Variants in HAGH observed in about 807,000 individuals in gnomAD.
HAGH encodes hydroxyacylglutathione hydrolase, mitochondrial.
HAGH carries 29 observed loss-of-function variants against 35.1 expected under a neutral mutation model. The observed-to-expected ratio is 0.83, with a 90% CI of 0.62 to 1.13. HAGH has a LOEUF of 1.13. Among genes scored for constraint, HAGH ranks in the 50% most tolerant of loss-of-function variants. The pLI is 0.00. For synonymous variants in HAGH, 225 were observed against 176.1 expected (o/e 1.28, Z -2.20); for missense variants, 478 against 419.6 (o/e 1.14, Z -1.22).
At chr16:1,816,412 G>C (rs1479251785) in intron 7 of HAGH, among the ~76,000 whole-genome samples, 2 of 152,098 alleles carry the variant, frequency 1.3e-5, no homozygotes, top group African/African-American at 4.8e-5. Context: ...CCACGCCTGA[G>C]ACCACCCAGG....
chr16:1,826,163 C>T (rs1258657347), intron 1 of HAGH, among the ~76,000 whole-genome samples: 1 of 152,140 alleles, frequency 6.6e-6, no homozygotes, highest in Admixed American at 6.5e-5. Flanking sequence ...CGCCTCCGCC[C>T]GCCCAGTGCC....
At position 1,822,681 on chromosome 16, in the gene HAGH, C is replaced by T. The variant is rs151310182; in HGVS notation, c.249+184G>A. 3.2e-4 allele frequency among the ~76,000 whole-genome samples: 48 copies of T among 152,344 alleles called. No homozygotes were observed. The East Asian group carries it at 8.1e-3, about 26-fold the overall frequency. On this transcript the variant is annotated intron_variant, in intron 2 of 8. Coordinates refer to ENST00000397356, the MANE Select transcript of HAGH (RefSeq NM_005326.6). ...AAGTGCCCAGGATTGTACTGCACAG[C>T]GCTTTCTGTGTCACTGCCTCTCGCC...
intron 7 of HAGH, chr16:1,810,692 G>A (rs1897609124): frequency 6.6e-6 from 1 of 152,494 alleles, no homozygotes; most frequent in Admixed American, 6.5e-5. Context: ...AGCCGCACCA[G>A]GAGGGCCTCA....
At chr16:1,827,085 G>C (rs746561454), upstream of HAGH, 56 of 1,166,074 alleles carry the variant, frequency 4.8e-5, no homozygotes, top group Non-Finnish European at 6.4e-5. Flanking sequence ...TGGAGGCCGA[G>C]CGCCACGCCG....
chr16:1,823,744 TAA>T (rs71145496), intron 1 of HAGH, among the ~76,000 whole-genome samples: 5,368 of 55,592 alleles, frequency 0.097, 192 homozygotes, highest in Non-Finnish European at 0.11. Context: ...ACCTGTTCCT[TAA>T]AAAAAAAAAA....
intron 2 of HAGH, 65 bp from the exon 3 acceptor site, chr16:1,822,429 T>C (rs1898196293): frequency 8.1e-7 from 1 of 1,227,656 alleles, no homozygotes; most frequent in Non-Finnish European, 1.2e-6. Flanking sequence ...CTGGCCTATA[T>C]GGTAGGGTGC....
chr16:1,826,100 C>G (rs1294595741), intron 1 of HAGH, among the ~76,000 whole-genome samples: 1 of 152,232 alleles, frequency 6.6e-6, no homozygotes, highest in Non-Finnish European at 1.5e-5. Context: ...CCCTGCAGAG[C>G]CTTGACAGCT....
At chr16:1,812,727 C>A (rs1897714471) in intron 7 of HAGH, among the ~76,000 whole-genome samples, 2 of 152,156 alleles carry the variant, frequency 1.3e-5, no homozygotes, top group African/African-American at 2.4e-5. Flanking sequence ...ATAAAAGAAT[C>A]TATTGGACTT....
intron 3 of HAGH, among the ~76,000 whole-genome samples, chr16:1,821,069 G>A (rs1898132703): frequency 1.3e-5 from 2 of 152,188 alleles, no homozygotes; most frequent in African/African-American, 4.8e-5. Flanking sequence ...GGGTCCCCAG[G>A]AGGAGGCATG....
intron 3 of HAGH, among the ~76,000 whole-genome samples, chr16:1,820,653 C>T (rs1037972836): frequency 1.2e-4 from 19 of 152,154 alleles, no homozygotes; most frequent in African/African-American, 4.6e-4. Context: ...CAGAAAGGGG[C>T]GGTTGAAGGG....
At chr16:1,827,063 A>G (rs1054836573), upstream of HAGH, 1 of 969,468 alleles carries the variant, frequency 1.0e-6, no homozygotes, top group East Asian at 2.7e-5. Flanking sequence ...TTGGCACCGC[A>G]CAGTGGATCC....
At chr16:1,816,166 T>C (rs1897881604) in intron 7 of HAGH, among the ~76,000 whole-genome samples, 1 of 140,776 alleles carries the variant, frequency 7.1e-6, no homozygotes. Flanking sequence ...ATTACGCCAC[T>C]GTACTCCAGC....
In HAGH at chr16:1,820,016, T is replaced by TA; in HGVS notation, c.315-3dup. The TA allele has an allele frequency of 6.2e-7, 1 of 1,601,956 alleles. No homozygotes were observed. The highest frequency in any genetic ancestry group is 1.1e-5 in the South Asian group (1 of 90,594). ...TTCTCATTCCCGCCAGCATGGTCCC[T>TA]AGAAGTCAAACAGGAGACCTGGGCT... is the stretch of plus-strand genomic sequence containing the variant. On this transcript the variant is annotated splice_region_variant and splice_polypyrimidine_tract_variant and intron_variant, in intron 3 of 8. Coordinates refer to ENST00000397356, the MANE Select transcript of HAGH (RefSeq NM_005326.6).
chr16:1,815,293 CT>C (rs1243871342), intron 7 of HAGH, among the ~76,000 whole-genome samples: 7 of 152,190 alleles, frequency 4.6e-5, no homozygotes, highest in Non-Finnish European at 8.8e-5. Flanking sequence ...CGGTTCACAC[CT>C]TTAACCACAC....
intron 1 of HAGH, among the ~76,000 whole-genome samples, chr16:1,823,459 G>A (rs1269664133): frequency 6.6e-6 from 1 of 151,736 alleles, no homozygotes; most frequent in East Asian, 1.9e-4. Flanking sequence ...TAGTAGAGAC[G>A]GGTTTCATGG....
At chr16:1,820,602 G>A (rs528870607) in intron 3 of HAGH, among the ~76,000 whole-genome samples, 3 of 152,272 alleles carry the variant, frequency 2.0e-5, no homozygotes, top group Admixed American at 6.5e-5. Flanking sequence ...TGCCTCCTAC[G>A]CGCCCAGGTT....
chr16:1,819,531 C>T lies in HAGH; in HGVS notation c.433-308G>A, dbSNP rs575162391. Among the ~76,000 whole-genome samples, 57 of 152,230 alleles carry T rather than the reference C, an allele frequency of 3.7e-4. 1 individual carries two copies. The highest frequency in any genetic ancestry group is 6.5e-4 in the Non-Finnish European group (44 of 68,044). On this transcript the variant is annotated intron_variant, in intron 4 of 8. Transcript: ENST00000397356. ...GACGGCTTTCCTTCCCACACATGGCCTTTTGTTTTCCTGTCCCCATCTGCC... is the reference window on the plus strand; with the variant it reads ...GACGGCTTTCCTTCCCACACATGGCTTTTTGTTTTCCTGTCCCCATCTGCC...
intron 7 of HAGH, among the ~76,000 whole-genome samples, chr16:1,814,792 G>A (rs1567254509): frequency 6.6e-6 from 1 of 151,972 alleles, no homozygotes; most frequent in Non-Finnish European, 1.5e-5. Flanking sequence ...CAGCTACTTG[G>A]GAGGCTGAGG....
intron 1 of HAGH, chr16:1,826,486 C>G: frequency 4.5e-6 from 4 of 898,366 alleles, no homozygotes; most frequent in Non-Finnish European, 5.3e-6. Flanking sequence ...CCGCGGCGGA[C>G]GCAGGCCTGG....
Sources: allele counts gnomAD v4.1 joint callset (sites outside exome capture counted in the v4.1 genomes callset), GRCh38; gene constraint gnomAD v4.1.1; transcripts MANE v1.5; gene names NCBI Gene and HGNC (gene_info 2026-07-23, HGNC 2026-07-21).